CNTNAP3: variants seen among roughly 807,000 people sequenced by gnomAD.
CNTNAP3 encodes the protein contactin associated protein family member 3.
In CNTNAP3, 36 loss-of-function variants were observed where a neutral mutation model predicts 92.1. The observed-to-expected ratio is 0.39, with a 90% CI of 0.30 to 0.52. The LOEUF is 0.52. Among genes scored for constraint, CNTNAP3 ranks in the 20% least tolerant of loss-of-function variants. The probability of loss-of-function intolerance (pLI) is 0.76; values close to 1 mark genes in which losing one functional copy is unlikely to be tolerated. For missense variants in CNTNAP3, 534 were observed against 1,069.6 expected, an observed-to-expected ratio of 0.50 and a Z score of 6.98; for synonymous variants, 232 against 422.3, an observed-to-expected ratio of 0.55 and a Z score of 5.53.
In CNTNAP3 at chr9:39,077,198, C is replaced by T. The variant is rs541330920; in HGVS notation, c.3745+1187G>A. Among the ~76,000 whole-genome samples, 258 of 152,292 alleles carry T rather than the reference C, an allele frequency of 1.7e-3. 1 individual carries two copies. The highest frequency in any genetic ancestry group is 6.0e-3 in the African/African-American group (251 of 41,558). ...GTGAAACATACAATGGCTACTGCTG[C>T]ACAACATTGTAAATGTCCTTAATGA... On this transcript the variant is annotated intron_variant, in intron 23 of 23. Coordinates refer to ENST00000297668, the MANE Select transcript of CNTNAP3 (RefSeq NM_033655.5).
At chr9:39,121,942 C>A (rs1487343960) in intron 13 of CNTNAP3, among the ~76,000 whole-genome samples, 6 of 152,130 alleles carry the variant, frequency 3.9e-5, no homozygotes, top group Non-Finnish European at 8.8e-5. Flanking sequence ...ATACCCAGCA[C>A]CAGCCCCCTC....
chr9:39,092,977 T>C (rs967896332), intron 18 of CNTNAP3, among the ~76,000 whole-genome samples: 2 of 144,712 alleles, frequency 1.4e-5, no homozygotes, highest in East Asian at 2.1e-4. Context: ...CTGTTTCTAG[T>C]AGCACCTTTT....
At chr9:39,105,071 G>A (rs960088820) in intron 15 of CNTNAP3, among the ~76,000 whole-genome samples, 10 of 152,282 alleles carry the variant, frequency 6.6e-5, no homozygotes, top group East Asian at 5.8e-4. Context: ...ATGGCTGCCA[G>A]TGGTGATCTT....
At chr9:39,127,600 G>T (rs1821180860) in intron 13 of CNTNAP3, among the ~76,000 whole-genome samples, 1 of 152,108 alleles carries the variant, frequency 6.6e-6, no homozygotes, top group Non-Finnish European at 1.5e-5. Flanking sequence ...ACAGATGCTG[G>T]AGACATCAAA....
At chr9:39,078,040 T>C (rs1444442419) in intron 23 of CNTNAP3, among the ~76,000 whole-genome samples, 1 of 152,218 alleles carries the variant, frequency 6.6e-6, no homozygotes, top group Non-Finnish European at 1.5e-5. Flanking sequence ...ACCCTGTGTC[T>C]ACCAAAAACA....
chr9:39,076,938 C>T (rs995425381), intron 23 of CNTNAP3, among the ~76,000 whole-genome samples: 44 of 151,980 alleles, frequency 2.9e-4, no homozygotes, highest in African/African-American at 9.9e-4. Context: ...GCCTTTGCGA[C>T]GAGCGAGACT....
chr9:39,104,017 G>A, intron 15 of CNTNAP3, 103 bp from the exon 16 acceptor site: 1 of 1,500,882 alleles, frequency 6.7e-7, no homozygotes, highest in Non-Finnish European at 8.9e-7. Context: ...TACATTAATA[G>A]AATCTATATG....
intron 9 of CNTNAP3, among the ~76,000 whole-genome samples, chr9:39,153,573 CTT>C (rs1179523601): frequency 4.0e-5 from 1 of 24,820 alleles, no homozygotes. Flanking sequence ...CTCTCTCTCT[CTT>C]TCTTGACAGA....
At chr9:39,140,404 A>G in intron 12 of CNTNAP3, 115 bp downstream of exon 12, 1 of 1,433,902 alleles carries the variant, frequency 7.0e-7, no homozygotes, top group Non-Finnish European at 9.3e-7. Context: ...TATATATTTA[A>G]TGCTTCTACT....
In CNTNAP3 at chr9:39,248,524, AAT is replaced by A. The variant is rs775541206; in HGVS notation, c.197-9340_197-9339del. ...ATCTACTATGAATAATGTTGCTATG[AAT>A]ATATATATATATATATAAATTTTTT... is the stretch of plus-strand genomic sequence containing the variant. On this transcript the variant is annotated intron_variant, in intron 2 of 23. Coordinates refer to ENST00000297668, the MANE Select transcript of CNTNAP3 (RefSeq NM_033655.5). Among the ~76,000 whole-genome samples the A allele has an allele frequency of 5.6e-3, 208 of 36,882 alleles. 39 individuals are homozygous for A. Among genetic ancestry groups the A allele is most frequent in the African/African-American group, 0.017 (182 of 10,936 alleles). 24.2% of individuals were successfully genotyped at this position (36,882 alleles called of 152,430 possible).
chr9:39,088,935 T>C (rs977146513), intron 18 of CNTNAP3, among the ~76,000 whole-genome samples: 1 of 152,260 alleles, frequency 6.6e-6, no homozygotes, highest in African/African-American at 2.4e-5. Flanking sequence ...TAACTAATTC[T>C]TCAGTATAAA....
chr9:39,124,748 C>T (rs1343738702), intron 13 of CNTNAP3, among the ~76,000 whole-genome samples: 1 of 151,638 alleles, frequency 6.6e-6, no homozygotes, highest in Non-Finnish European at 1.5e-5. Flanking sequence ...CCAACAGACA[C>T]ATGAAAAAAT....
intron 11 of CNTNAP3, among the ~76,000 whole-genome samples, chr9:39,142,820 A>G (rs1445019094): frequency 2.6e-5 from 4 of 152,142 alleles, no homozygotes; most frequent in Non-Finnish European, 5.9e-5. Flanking sequence ...CAGGACTGGG[A>G]GCGCAGAATT....
intron 15 of CNTNAP3, among the ~76,000 whole-genome samples, chr9:39,107,474 A>G (rs557821594): frequency 6.6e-6 from 1 of 152,294 alleles, no homozygotes; most frequent in Admixed American, 6.5e-5. Flanking sequence ...GAAAAATTTC[A>G]TAAGAGTTTT....
chr9:39,117,477 T>C (rs1478023914), intron 14 of CNTNAP3, among the ~76,000 whole-genome samples: 2 of 152,184 alleles, frequency 1.3e-5, no homozygotes, highest in African/African-American at 4.8e-5. Context: ...GCAATCTACA[T>C]GAGAAAATTG....
chr9:39,077,911 G>C (rs1478658958), intron 23 of CNTNAP3, among the ~76,000 whole-genome samples: 2 of 152,042 alleles, frequency 1.3e-5, no homozygotes, highest in African/African-American at 4.8e-5. Context: ...TATTGCCTTA[G>C]AAAATCAACG....
chr9:39,119,558 C>A (rs933367405), intron 13 of CNTNAP3, among the ~76,000 whole-genome samples: 1 of 152,150 alleles, frequency 6.6e-6, no homozygotes, highest in Non-Finnish European at 1.5e-5. Flanking sequence ...CTCACTATAT[C>A]CTAATGTACA....
chr9:39,133,053 C>G lies in CNTNAP3; in HGVS notation c.1959G>C (p.Ser653=). ...LRGAPSGHPR[S]AVSFAYAAGA... ...CCGCTGCGTACGCGAAGGACACAGC[C>G]GAGCGCGGGTGCCCGCTGGGGGCAC... is the stretch of plus-strand genomic sequence containing the variant. The change falls in exon 13 of 24, where the codon TCG becomes TCC. Residue 653 remains serine, a synonymous_variant. Transcript: ENST00000297668. 6.4e-7 allele frequency: 1 copy of G among 1,554,756 alleles called. No homozygotes were observed. The highest frequency in any genetic ancestry group is 8.6e-7 in the Non-Finnish European group (1 of 1,157,026).
At position 39,121,053 on chromosome 9, in the gene CNTNAP3, C is replaced by A. The variant is rs191057139; in HGVS notation, c.2081-2794G>T. Among the ~76,000 whole-genome samples, 553 of 151,642 alleles carry A rather than the reference C, an allele frequency of 3.6e-3. 5 individuals are homozygous for A. The highest frequency in any genetic ancestry group is 0.03 in the South Asian group (145 of 4,816). On this transcript the variant is annotated intron_variant, in intron 13 of 23. Coordinates refer to ENST00000297668, the MANE Select transcript of CNTNAP3 (RefSeq NM_033655.5). The stretch of plus-strand genomic sequence containing the variant: ...CACATATGTAAACTATAATACCAAG[C>A]AACGAGTAAGAAAATTATAAAAATT...
Sources: gnomAD v4.1 joint callset for allele counts (sites outside exome capture counted in the v4.1 genomes callset) on GRCh38, gnomAD v4.1.1 for gene constraint, MANE v1.5 for transcripts, NCBI Gene and HGNC (gene_info 2026-07-23, HGNC 2026-07-21) for gene names.